The following PID1 variants were observed in gnomAD, a reference collection of about 807,000 sequenced individuals.
The protein encoded by PID1 is phosphotyrosine interaction domain containing 1.
In PID1, 10 loss-of-function variants were observed where a neutral mutation model predicts 19.1. The ratio of observed to expected loss-of-function variants is 0.52; its 90% confidence interval spans 0.32 to 0.89. PID1 has a LOEUF of 0.89. PID1 is among the 40% of genes least tolerant of loss of function. The pLI, the probability that PID1 is intolerant of heterozygous loss-of-function variation, is 0.03. For missense variants in PID1, 248 were observed against 285.3 expected (o/e 0.87, Z 0.94); for synonymous variants, 130 against 116.0 (o/e 1.12, Z -0.78).
At chr2:229,226,159 T>C (rs1401067806) in intron 1 of PID1, among the ~76,000 whole-genome samples, 2 of 152,144 alleles carry the variant, frequency 1.3e-5, no homozygotes, top group South Asian at 2.1e-4. Context: ...CTGATGCAAA[T>C]CTTAGTTCTT....
At chr2:229,107,926 C>A (rs1695211655) in intron 2 of PID1, among the ~76,000 whole-genome samples, 1 of 152,156 alleles carries the variant, frequency 6.6e-6, no homozygotes, top group African/African-American at 2.4e-5. Context: ...TCATCTAAAG[C>A]ATTTACGAGA....
Position 229,025,462 on chromosome 2 carries a change from T to A in PID1, c.*170A>T. 1.6e-6 allele frequency: 1 copy of A among 620,890 alleles called. No individual in the cohort carries two copies. The highest frequency in any genetic ancestry group is 2.9e-6 in the Non-Finnish European group (1 of 348,424). The allele number at this position is 620,890 out of a possible 1,614,324, so 38.5% of individuals were successfully genotyped here. A position where few individuals can be genotyped will look rare whatever the true frequency, so the allele number is the denominator to read the frequency against. The stretch of plus-strand genomic sequence containing the variant: ...GCAGCAGGTTTCAATGTAACGTAAT[T>A]ACTTTAATGATACATTTCTTTAGAT... On this transcript the variant is annotated 3_prime_UTR_variant, in exon 3 of 3. Transcript: ENST00000392055.
chr2:229,109,264 G>T (rs1239487248), intron 2 of PID1, among the ~76,000 whole-genome samples: 1 of 152,044 alleles, frequency 6.6e-6, no homozygotes, highest in Non-Finnish European at 1.5e-5. Context: ...AGCCTTTTGG[G>T]TTACGGGTGA....
At chr2:229,152,360 T>G (rs1030433922) in intron 2 of PID1, among the ~76,000 whole-genome samples, 1 of 152,206 alleles carries the variant, frequency 6.6e-6, no homozygotes, top group Non-Finnish European at 1.5e-5. Context: ...ATTTATTTAT[T>G]TGGGCACTTG....
chr2:229,136,130 G>C (rs1198102360), intron 2 of PID1, among the ~76,000 whole-genome samples: 1 of 152,172 alleles, frequency 6.6e-6, no homozygotes, highest in African/African-American at 2.4e-5. Flanking sequence ...GCCACGTTTT[G>C]AGTTGCTCCA....
At chr2:229,028,588 G>A (rs1407830755) in intron 2 of PID1, among the ~76,000 whole-genome samples, 1 of 152,136 alleles carries the variant, frequency 6.6e-6, no homozygotes, top group Non-Finnish European at 1.5e-5. Context: ...ACAACAAAAA[G>A]TCAAAAAACC....
At chr2:229,196,899 A>G (rs1372322635) in intron 1 of PID1, among the ~76,000 whole-genome samples, 1 of 152,110 alleles carries the variant, frequency 6.6e-6, no homozygotes, top group African/African-American at 2.4e-5. Context: ...CTATTAGAAC[A>G]TTAAAGTAAG....
intron 2 of PID1, among the ~76,000 whole-genome samples, chr2:229,078,091 T>C (rs972560396): frequency 1.3e-5 from 2 of 152,210 alleles, no homozygotes; most frequent in Non-Finnish European, 2.9e-5. Flanking sequence ...CAGTGGTTTG[T>C]AGTTCTCCTT....
intron 2 of PID1, among the ~76,000 whole-genome samples, chr2:229,115,992 G>A (rs932429335): frequency 2.0e-5 from 3 of 152,064 alleles, no homozygotes; most frequent in Non-Finnish European, 4.4e-5. Context: ...AGGCCGAAGT[G>A]GGCAGATCAC....
At chr2:229,169,708 C>A (rs1168483367) in intron 1 of PID1, among the ~76,000 whole-genome samples, 1 of 152,146 alleles carries the variant, frequency 6.6e-6, no homozygotes, top group Non-Finnish European at 1.5e-5. Context: ...AGCTTCCTAT[C>A]TGCCTTCTCA....
chr2:229,128,628 C>A (rs1439375260), intron 2 of PID1, among the ~76,000 whole-genome samples: 1 of 152,066 alleles, frequency 6.6e-6, no homozygotes, highest in Non-Finnish European at 1.5e-5. Flanking sequence ...TTTCTTCATT[C>A]CAATTTATTT....
chr2:229,266,121 T>C (rs1330883856), intron 1 of PID1, among the ~76,000 whole-genome samples: 1 of 152,226 alleles, frequency 6.6e-6, no homozygotes, highest in Non-Finnish European at 1.5e-5. Context: ...TAGGGCCCGA[T>C]GTTTTGTGCT....
chr2:229,080,343 C>G (rs1405666718), intron 2 of PID1, among the ~76,000 whole-genome samples: 2 of 152,106 alleles, frequency 1.3e-5, no homozygotes, highest in African/African-American at 2.4e-5. Flanking sequence ...AAATCAGGTA[C>G]CTTTCCCTGA....
Position 229,025,859 on chromosome 2 carries a change from T to G in PID1, c.427A>C (p.Ser143Arg). 1 of 1,614,222 alleles carries G rather than the reference T, an allele frequency of 6.2e-7. No homozygotes were observed. Among genetic ancestry groups the G allele is most frequent in the East Asian group, 2.2e-5 (1 of 44,876 alleles). Residue 143 changes from serine to arginine, a missense_variant, in exon 3 of 3, where the codon AGC becomes CGC. Coordinates refer to ENST00000392055, the MANE Select transcript of PID1 (RefSeq NM_001100818.2). ...IAYCTADHNV[S>R]PNIFAWVYRE... Reference sequence around the variant, plus strand: ...TAGACCCAGGCGAAGATGTTGGGGCTCACGTTGTGGTCGGCGGTGCAGTAG... The same window carrying G: ...TAGACCCAGGCGAAGATGTTGGGGCGCACGTTGTGGTCGGCGGTGCAGTAG...
At chr2:229,027,313 G>A (rs891970405) in intron 2 of PID1, among the ~76,000 whole-genome samples, 8 of 152,130 alleles carry the variant, frequency 5.3e-5, no homozygotes, top group Non-Finnish European at 8.8e-5. Flanking sequence ...GTATTTATTG[G>A]GAACCTCTTA....
At chr2:229,186,448 GC>G (rs1196610950) in intron 1 of PID1, among the ~76,000 whole-genome samples, 2 of 152,144 alleles carry the variant, frequency 1.3e-5, no homozygotes, top group African/African-American at 2.4e-5. Flanking sequence ...CTCCATAAGA[GC>G]CCTGCTCCTA....
chr2:229,110,110 G>A (rs1231697759), intron 2 of PID1, among the ~76,000 whole-genome samples: 1 of 152,176 alleles, frequency 6.6e-6, no homozygotes, highest in East Asian at 1.9e-4. Flanking sequence ...TAACCTAGTA[G>A]TACTCTTATG....
intron 1 of PID1, among the ~76,000 whole-genome samples, chr2:229,234,224 G>T (rs1393194154): frequency 6.6e-6 from 1 of 152,160 alleles, no homozygotes; most frequent in Non-Finnish European, 1.5e-5. Context: ...AATACAAAAA[G>T]AAGATCAGCT....
intron 2 of PID1, among the ~76,000 whole-genome samples, chr2:229,136,290 T>C (rs1689856314): frequency 6.6e-6 from 1 of 152,112 alleles, no homozygotes; most frequent in African/African-American, 2.4e-5. Flanking sequence ...AGTTGAGCCT[T>C]CTGATGAGAC....
Sources: allele counts gnomAD v4.1 joint callset (sites outside exome capture counted in the v4.1 genomes callset), GRCh38; gene constraint gnomAD v4.1.1; transcripts MANE v1.5; gene names NCBI Gene and HGNC (gene_info 2026-07-23, HGNC 2026-07-21).